Variants in SMIM35 observed in about 807,000 individuals in gnomAD.
SMIM35 encodes the protein TMPRSS4 antisense RNA 1 (non-protein coding).
intron 1 of SMIM35, among the ~76,000 whole-genome samples, chr11:118,082,801 C>G (rs1414618067): frequency 6.6e-6 from 1 of 152,162 alleles, no homozygotes; most frequent in Non-Finnish European, 1.5e-5. Flanking sequence ...AGGCCTAGGA[C>G]TAATCCTATC....
chr11:118,010,016 A>G (rs1208269967), intron 4 of SMIM35, among the ~76,000 whole-genome samples: 2 of 152,176 alleles, frequency 1.3e-5, no homozygotes, highest in African/African-American at 4.8e-5. Context: ...TGGGTAAAGC[A>G]TGCTGCTTTT....
chr11:118,039,649 G>T (rs1591291665), intron 1 of SMIM35, among the ~76,000 whole-genome samples: 2 of 152,026 alleles, frequency 1.3e-5, no homozygotes, highest in Non-Finnish European at 2.9e-5. Context: ...GGTCAAGGAT[G>T]CAGTGAGCCA....
At chr11:118,038,115 T>A (rs1943934942) in intron 1 of SMIM35, among the ~76,000 whole-genome samples, 1 of 152,194 alleles carries the variant, frequency 6.6e-6, no homozygotes, top group Non-Finnish European at 1.5e-5. Flanking sequence ...AGCATGCTTT[T>A]TTCAAGGGGA....
chr11:118,035,246 C>T (rs2058350767), intron 1 of SMIM35, among the ~76,000 whole-genome samples: 1 of 152,152 alleles, frequency 6.6e-6, no homozygotes, highest in Non-Finnish European at 1.5e-5. Context: ...AACTTTTCCA[C>T]CAGTTCCACA....
At chr11:118,009,017 A>G (rs2058137084) in intron 4 of SMIM35, among the ~76,000 whole-genome samples, 1 of 152,246 alleles carries the variant, frequency 6.6e-6, no homozygotes, top group East Asian at 1.9e-4. Flanking sequence ...CACAAGATCC[A>G]TGGGTCTTAC....
At chr11:118,022,742 A>C (rs1220155861) in intron 1 of SMIM35, among the ~76,000 whole-genome samples, 1 of 152,084 alleles carries the variant, frequency 6.6e-6, no homozygotes, top group Non-Finnish European at 1.5e-5. Flanking sequence ...CTGAGGCCAG[A>C]GAATCATCTG....
At chr11:118,077,387 A>C (rs370372265) in intron 1 of SMIM35, 7 of 1,463,814 alleles carry the variant, frequency 4.8e-6, no homozygotes, top group Non-Finnish European at 5.5e-6. Context: ...CTGAGCATCC[A>C]TCAGCTGAGA....
chr11:118,026,362 G>A lies in SMIM35; in HGVS notation c.8-10553C>T, dbSNP rs185830392. 9.7e-4 allele frequency among the ~76,000 whole-genome samples: 147 copies of A among 152,252 alleles called. 1 individual carries two copies. Among genetic ancestry groups the A allele is most frequent in the Admixed American group, 5.1e-3 (78 of 15,282 alleles). On this transcript the variant is annotated intron_variant, in intron 1 of 4. Coordinates refer to ENST00000689828, the MANE Select transcript of SMIM35 (RefSeq NM_001394165.1). Reference sequence around the variant, plus strand: ...CTGGTCAATGCCTATACTGAGGTGGGCCAATCTTCAGGCACAGCCACAGTT... The same window carrying A: ...CTGGTCAATGCCTATACTGAGGTGGACCAATCTTCAGGCACAGCCACAGTT...
intron 1 of SMIM35, among the ~76,000 whole-genome samples, chr11:118,037,590 T>G (rs541422799): frequency 6.6e-6 from 1 of 152,192 alleles, no homozygotes; most frequent in Non-Finnish European, 1.5e-5. Flanking sequence ...GATAAACAAG[T>G]TCCCCCTCTT....
chr11:118,054,701 C>T (rs1270132167), intron 1 of SMIM35, among the ~76,000 whole-genome samples: 1 of 151,844 alleles, frequency 6.6e-6, no homozygotes, highest in Non-Finnish European at 1.5e-5. Context: ...TATAAAGTGT[C>T]CTGTTGTGTT....
At chr11:118,035,551 G>T (rs1379014517) in intron 1 of SMIM35, among the ~76,000 whole-genome samples, 1 of 152,202 alleles carries the variant, frequency 6.6e-6, no homozygotes, top group Non-Finnish European at 1.5e-5. Context: ...GGTGCCATCA[G>T]AACAGAAGGA....
At chr11:118,018,792 A>C (rs1168073133) in intron 1 of SMIM35, among the ~76,000 whole-genome samples, 1 of 152,146 alleles carries the variant, frequency 6.6e-6, no homozygotes, top group Non-Finnish European at 1.5e-5. Flanking sequence ...TGCAGAAACA[A>C]TTACTCTATT....
intron 1 of SMIM35, among the ~76,000 whole-genome samples, chr11:118,076,634 G>C (rs564176053): frequency 6.6e-6 from 1 of 151,872 alleles, no homozygotes; most frequent in African/African-American, 2.4e-5. Flanking sequence ...AGGGAAAGGG[G>C]GTACATCTTA....
intron 1 of SMIM35, among the ~76,000 whole-genome samples, chr11:118,052,925 A>G (rs1030043436): frequency 6.6e-6 from 1 of 152,118 alleles, no homozygotes; most frequent in African/African-American, 2.4e-5. Context: ...CCCACAGGGG[A>G]CTGCACTGTT....
rs991371788 is a variant in SMIM35 at position 118,058,392 on chromosome 11, A to G, written c.7+28359T>C. Among the ~76,000 whole-genome samples the G allele has an allele frequency of 4.6e-5, 7 of 152,244 alleles. No individual in the cohort carries two copies. In the South Asian group the frequency reaches 6.2e-4, roughly 14 times the overall value. ...GGGCCAGGAGTGTGGGGAAGGGGCT[A>G]GAGCTGCACATGGACCCAAGGCGGG... is the stretch of plus-strand genomic sequence containing the variant. On this transcript the variant is annotated intron_variant, in intron 1 of 4. Transcript: ENST00000689828.
chr11:118,063,708 G>A (rs780624043), intron 1 of SMIM35, among the ~76,000 whole-genome samples: 41 of 152,122 alleles, frequency 2.7e-4, no homozygotes, highest in Non-Finnish European at 4.3e-4. Context: ...GATCACCAAT[G>A]GCCCGTGGCT....
chr11:118,081,641 A>T (rs996317084), intron 1 of SMIM35, among the ~76,000 whole-genome samples: 7 of 152,224 alleles, frequency 4.6e-5, no homozygotes, highest in Non-Finnish European at 7.3e-5. Context: ...GTCTCCTGTC[A>T]CAAAATGTCC....
intron 4 of SMIM35, among the ~76,000 whole-genome samples, chr11:118,012,955 G>T (rs894097856): frequency 6.6e-6 from 1 of 152,190 alleles, no homozygotes; most frequent in Admixed American, 6.5e-5. Flanking sequence ...GGACTGCACT[G>T]GGCAGGGCTG....
At chr11:118,069,618 G>A (rs1944538799) in intron 1 of SMIM35, among the ~76,000 whole-genome samples, 1 of 152,190 alleles carries the variant, frequency 6.6e-6, no homozygotes, top group Non-Finnish European at 1.5e-5. Context: ...TGGCTTCAGC[G>A]TGTGTCCCCA....
Sources: gnomAD v4.1 joint callset for allele counts (sites outside exome capture counted in the v4.1 genomes callset) on GRCh38, gnomAD v4.1.1 for gene constraint, MANE v1.5 for transcripts, NCBI Gene and HGNC (gene_info 2026-07-23, HGNC 2026-07-21) for gene names.